Variants in SH3PXD2B observed in about 807,000 individuals in gnomAD.
SH3PXD2B encodes SH3 and PX domains 2B.
In SH3PXD2B, 37 loss-of-function variants were observed where a neutral mutation model predicts 73.1. The observed-to-expected ratio is 0.51, with a 90% CI of 0.39 to 0.67. SH3PXD2B has a LOEUF of 0.67. Among genes scored for constraint, SH3PXD2B ranks in the 30% least tolerant of loss-of-function variants. SH3PXD2B has a pLI of 0.00. For missense variants in SH3PXD2B, 1,053 were observed against 1,197.8 expected (o/e 0.88, Z 1.78); for synonymous variants, 457 against 480.5 (o/e 0.95, Z 0.64).
At chr5:172,345,245 G>A (rs1756970583) in intron 12 of SH3PXD2B, among the ~76,000 whole-genome samples, 1 of 152,132 alleles carries the variant, frequency 6.6e-6, no homozygotes, top group Admixed American at 6.6e-5. Flanking sequence ...GGTGTCTACT[G>A]CCCTGTGCCA....
intron 2 of SH3PXD2B, among the ~76,000 whole-genome samples, chr5:172,417,764 G>A (rs1299498469): frequency 6.6e-6 from 1 of 152,144 alleles, no homozygotes; most frequent in Non-Finnish European, 1.5e-5. Context: ...CCTAGAAACT[G>A]CTCTGGCACT....
At chr5:172,404,177 C>T (rs1758497337) in intron 3 of SH3PXD2B, among the ~76,000 whole-genome samples, 1 of 152,168 alleles carries the variant, frequency 6.6e-6, no homozygotes, top group South Asian at 2.1e-4. Flanking sequence ...TGTCTCTAAA[C>T]CCATTCAGTG....
chr5:172,393,806 C>A (rs745787296), intron 4 of SH3PXD2B, among the ~76,000 whole-genome samples: 4 of 152,146 alleles, frequency 2.6e-5, no homozygotes, highest in Non-Finnish European at 5.9e-5. Flanking sequence ...GAAATATAAC[C>A]AAAAGGCAGG....
In SH3PXD2B at chr5:172,393,483, G is replaced by T. The variant is rs568011428; in HGVS notation, c.309+1080C>A. 1.1e-4 allele frequency among the ~76,000 whole-genome samples: 17 copies of T among 152,120 alleles called. 1 individual carries two copies. The South Asian group carries it at 2.9e-3, about 26-fold the overall frequency. On this transcript the variant is annotated intron_variant, in intron 4 of 12. Transcript: ENST00000311601. ...CTTATGATTTTCTGCATAGAGAATC[G>T]TGTCATCTGTGAGTCAAGAGTCAAT...
rs4424012 is a variant in SH3PXD2B at position 172,337,154 on chromosome 5, T to G, written c.*1215A>C. Reference sequence around the variant, plus strand: ...CCCTGGCATTCTCCTGTCATGGAGATGCAGCTGTTGAGTCCAGGGCAGCCT... The same window carrying G: ...CCCTGGCATTCTCCTGTCATGGAGAGGCAGCTGTTGAGTCCAGGGCAGCCT... On this transcript the variant is annotated 3_prime_UTR_variant, in exon 13 of 13. Transcript: ENST00000311601. 5 of 985,284 alleles carry G rather than the reference T, an allele frequency of 5.1e-6. No homozygotes were observed. The highest frequency in any genetic ancestry group is 6.0e-6 in the Non-Finnish European group (5 of 829,938). The allele number at this position is 985,284 out of a possible 1,614,324, so 61.0% of individuals were successfully genotyped here. A position where few individuals can be genotyped will look rare whatever the true frequency, so the allele number is the denominator to read the frequency against.
chr5:172,434,782 G>GTTT (rs71577589), intron 1 of SH3PXD2B, among the ~76,000 whole-genome samples: 20 of 66,336 alleles, frequency 3.0e-4, no homozygotes, highest in African/African-American at 6.9e-4. Context: ...ATGGCCAATG[G>GTTT]TTTTTTTTTT....
intron 6 of SH3PXD2B, among the ~76,000 whole-genome samples, chr5:172,369,634 G>C (rs887973385): frequency 9.2e-5 from 14 of 152,264 alleles, no homozygotes; most frequent in Non-Finnish European, 1.2e-4. Flanking sequence ...CAGGCATGGT[G>C]GTGTGTGCCT....
intron 8 of SH3PXD2B, among the ~76,000 whole-genome samples, chr5:172,358,296 G>T (rs139330994): frequency 6.6e-6 from 1 of 152,228 alleles, no homozygotes; most frequent in Admixed American, 6.5e-5. Context: ...GCATAGGGAA[G>T]GTTCTCTGGG....
rs1422908768 is a variant in SH3PXD2B, at chr5:172,454,485, GCCGCCGCCA to G, written c.-142_-134del. 6.7e-6 allele frequency: 2 copies of G among 298,188 alleles called. No individual in the cohort carries two copies. The highest frequency in any genetic ancestry group is 2.3e-5 in the African/African-American group (1 of 43,642). 18.5% of individuals were successfully genotyped at this position (298,188 alleles called of 1,614,324 possible). On this transcript the variant is annotated 5_prime_UTR_variant, in exon 1 of 13. Coordinates refer to ENST00000311601, the MANE Select transcript of SH3PXD2B (RefSeq NM_001017995.3). Reference sequence around the variant, plus strand: ...TCGCAGCCGGGGCCGAGCACGAGCCGCCGCCGCCACCGCCGCCGCCCTTCGCTCGGCGCG... The same window carrying G: ...TCGCAGCCGGGGCCGAGCACGAGCCGCCGCCGCCGCCCTTCGCTCGGCGCG...
chr5:172,416,690 CTCTCTCTTTTTTTTTTTTT>C (rs1223132814), intron 2 of SH3PXD2B, among the ~76,000 whole-genome samples: 46 of 95,098 alleles, frequency 4.8e-4, no homozygotes, highest in Non-Finnish European at 7.6e-5. Context: ...CTCTCTCTCT[CTCTCTCTTTTTTTTTTTTT>C]TTTTTTTTTT....
chr5:172,336,718 G>C lies in SH3PXD2B; in HGVS notation c.*1651C>G. The C allele has an allele frequency of 1.0e-6, 1 of 985,640 alleles. No individual in the cohort carries two copies. The highest frequency in any genetic ancestry group is 1.7e-5 in the African/African-American group (1 of 57,300). The allele number at this position is 985,640 out of a possible 1,614,324, so 61.1% of individuals were successfully genotyped here. A position where few individuals can be genotyped will look rare whatever the true frequency, so the allele number is the denominator to read the frequency against. ...GGTGGGGAGGGGCGGGGCAGGGCAG[G>C]GCAGGGCTGCCTCGGTCGGGTAGAA... On this transcript the variant is annotated 3_prime_UTR_variant, in exon 13 of 13. Transcript: ENST00000311601.
At chr5:172,368,312 A>G (rs1297563864) in intron 6 of SH3PXD2B, among the ~76,000 whole-genome samples, 2 of 149,860 alleles carry the variant, frequency 1.3e-5, no homozygotes, top group East Asian at 3.9e-4. Flanking sequence ...CTGTATATTT[A>G]CTTGTCTCCT....
At chr5:172,346,301 G>A in intron 11 of SH3PXD2B, 40 bp from the exon 12 acceptor site, 1 of 1,612,240 alleles carries the variant, frequency 6.2e-7, no homozygotes, top group Non-Finnish European at 8.5e-7. Context: ...AAGGCTAAGT[G>A]CACTCCTGCG....
chr5:172,392,693 G>A (rs532691003), intron 4 of SH3PXD2B, among the ~76,000 whole-genome samples: 17 of 152,280 alleles, frequency 1.1e-4, no homozygotes, highest in Admixed American at 9.8e-4. Context: ...GCTGAGGCAG[G>A]AGAATCCCTT....
At chr5:172,380,864 T>C (rs1364519042) in intron 5 of SH3PXD2B, among the ~76,000 whole-genome samples, 1 of 152,228 alleles carries the variant, frequency 6.6e-6, no homozygotes, top group African/African-American at 2.4e-5. Context: ...CATATTGGGA[T>C]ATATTTATTG....
At chr5:172,393,483 G>A (rs568011428) in intron 4 of SH3PXD2B, among the ~76,000 whole-genome samples, 2 of 152,002 alleles carry the variant, frequency 1.3e-5, no homozygotes, top group South Asian at 4.2e-4. Flanking sequence ...ATAGAGAATC[G>A]TGTCATCTGT....
chr5:172,431,644 A>G (rs1006140084), intron 1 of SH3PXD2B, among the ~76,000 whole-genome samples: 1 of 152,124 alleles, frequency 6.6e-6, no homozygotes, highest in African/African-American at 2.4e-5. Flanking sequence ...AATGATATCA[A>G]CTGTATATAA....
rs565837798 is a variant in SH3PXD2B, at chr5:172,421,107, C to T, written c.156+1309G>A. Among the ~76,000 whole-genome samples, 19 of 152,288 alleles carry T rather than the reference C, an allele frequency of 1.2e-4. No homozygotes were observed. Among genetic ancestry groups the T allele is most frequent in the African/African-American group, 4.6e-4 (19 of 41,542 alleles). ...CGTCAGGATGGAGACTTGTGTTGGC[C>T]TGAGAGGTGACATAGCCCCTTACCA... On this transcript the variant is annotated intron_variant, in intron 2 of 12. Transcript: ENST00000311601. This position sits in a 1 kb window ranked among gnomAD's most constrained non-coding sequence, Gnocchi z 4.0.
intron 7 of SH3PXD2B, among the ~76,000 whole-genome samples, chr5:172,360,821 G>A (rs2113316731): frequency 6.6e-6 from 1 of 152,124 alleles, no homozygotes; most frequent in East Asian, 1.9e-4. Flanking sequence ...AACAGAGTGA[G>A]TCTCCGTCTC....
Sources: allele counts gnomAD v4.1 joint callset (sites outside exome capture counted in the v4.1 genomes callset), GRCh38; gene constraint gnomAD v4.1.1; non-coding constraint Gnocchi (gnomAD v3.1); transcripts MANE v1.5; gene names NCBI Gene and HGNC (gene_info 2026-07-23, HGNC 2026-07-21).